The following PTH2R variants were observed in gnomAD, a reference collection of about 807,000 sequenced individuals.
PTH2R encodes the protein parathyroid hormone 2 receptor.
Under a neutral mutation model 60.3 loss-of-function variants are expected in PTH2R, and 59 were observed. That is an observed-to-expected ratio of 0.98 (90% confidence interval 0.79 to 1.22). The LOEUF (loss-of-function observed/expected upper bound fraction) is 1.22, where lower values mean the gene tolerates loss of function less well. Among genes scored for constraint, PTH2R ranks in the 50% most tolerant of loss-of-function variants. The probability of loss-of-function intolerance (pLI) is 0.00; values close to 1 mark genes in which losing one functional copy is unlikely to be tolerated. For missense variants in PTH2R, 749 were observed against 682.6 expected, an observed-to-expected ratio of 1.10 and a Z score of -1.08; for synonymous variants, 256 against 243.8, an observed-to-expected ratio of 1.05 and a Z score of -0.47.
At chr2:208,424,025 G>C (rs1183621813) in intron 1 of PTH2R, among the ~76,000 whole-genome samples, 5 of 152,128 alleles carry the variant, frequency 3.3e-5, no homozygotes, top group Admixed American at 1.3e-4. Context: ...TATGAGTGCT[G>C]CTCCTCATGT....
intron 1 of PTH2R, among the ~76,000 whole-genome samples, chr2:208,409,727 C>G (rs1284291734): frequency 6.6e-6 from 1 of 152,100 alleles, no homozygotes; most frequent in Non-Finnish European, 1.5e-5. Context: ...TAAAGATATA[C>G]TTTTGTCTCA....
chr2:208,454,442 T>G lies in PTH2R; in HGVS notation c.914+3633T>G, dbSNP rs1217271234. 7.9e-5 allele frequency among the ~76,000 whole-genome samples: 12 copies of G among 152,312 alleles called. No homozygotes were observed. In the East Asian group the frequency reaches 1.5e-3, roughly 20 times the overall value. ...TTATAAGAAGAGATGCCAGAGAGGC[T>G]GGCTCTCCCTCTCTCTCTGTGCACA... On this transcript the variant is annotated intron_variant, in intron 8 of 12. Transcript: ENST00000272847.
chr2:208,442,068 G>C (rs1437413), intron 4 of PTH2R, among the ~76,000 whole-genome samples: 11,735 of 152,214 alleles, frequency 0.077, 499 homozygotes, highest in African/African-American at 0.082. Flanking sequence ...ATAGTCAAGA[G>C]GTATATGAAG....
At chr2:208,458,257 C>CA (rs58904597) in intron 8 of PTH2R, among the ~76,000 whole-genome samples, 7,011 of 152,108 alleles carry the variant, frequency 0.046, 326 homozygotes, top group African/African-American at 0.11. Context: ...CATCAGAACA[C>CA]AAAAACAACA....
chr2:208,384,879 C>T (rs1020728719), intron 1 of PTH2R, among the ~76,000 whole-genome samples: 3 of 152,062 alleles, frequency 2.0e-5, no homozygotes, highest in East Asian at 1.9e-4. Flanking sequence ...CTTTTTGCAG[C>T]GGTCCATTCT....
chr2:208,371,402 T>C (rs1298438914), intron 1 of PTH2R, among the ~76,000 whole-genome samples: 1 of 152,108 alleles, frequency 6.6e-6, no homozygotes, highest in African/African-American at 2.4e-5. Context: ...ATGAGTCTTA[T>C]CAGAACCTTT....
At chr2:208,486,126 G>T (rs1703268386) in intron 10 of PTH2R, among the ~76,000 whole-genome samples, 1 of 152,220 alleles carries the variant, frequency 6.6e-6, no homozygotes, top group Non-Finnish European at 1.5e-5. Flanking sequence ...AGCCTTGAGA[G>T]ACTGTGGGCC....
chr2:208,485,097 T>A (rs1190802469), intron 10 of PTH2R, among the ~76,000 whole-genome samples: 3 of 151,404 alleles, frequency 2.0e-5, no homozygotes, highest in Non-Finnish European at 4.4e-5. Context: ...CAGAAAAGAG[T>A]GAAGGATTAA....
intron 3 of PTH2R, 54 bp downstream of exon 3, chr2:208,437,701 T>G: frequency 1.9e-6 from 3 of 1,603,534 alleles, no homozygotes; most frequent in Non-Finnish European, 2.6e-6. Flanking sequence ...CTTGTCCATT[T>G]TCTTGATAAT....
intron 8 of PTH2R, among the ~76,000 whole-genome samples, chr2:208,452,403 A>G (rs1474159014): frequency 6.6e-6 from 1 of 152,246 alleles, no homozygotes; most frequent in Admixed American, 6.5e-5. Context: ...TTCACAAGTA[A>G]TGTCTAAAGA....
In PTH2R at chr2:208,369,366, C is replaced by CTTTT. The variant is rs34110985; in HGVS notation, c.-259+9130_-259+9131insTTTT. 8.1e-5 allele frequency among the ~76,000 whole-genome samples: 11 copies of CTTTT among 135,070 alleles called. 4 individuals are homozygous for CTTTT. Among genetic ancestry groups the CTTTT allele is most frequent in the African/African-American group, 1.4e-4 (5 of 34,828 alleles). The allele number at this position is 135,070 out of a possible 152,430, so 88.6% of individuals were successfully genotyped here. A position where few individuals can be genotyped will look rare whatever the true frequency, so the allele number is the denominator to read the frequency against. ...TTGTCTGTAAACAACACTGGTCTCT[C>CTTTT]TCTCTTTTTTTTTTTTTTTAGAAGG... On this transcript the variant is annotated intron_variant, in intron 1 of 12. Transcript: ENST00000617735.
intron 1 of PTH2R, among the ~76,000 whole-genome samples, chr2:208,366,750 T>C (rs1032166401): frequency 1.3e-5 from 2 of 152,226 alleles, no homozygotes; most frequent in Non-Finnish European, 2.9e-5. Context: ...AAGTTTAGCA[T>C]GAAGCTGCTT....
intron 1 of PTH2R, among the ~76,000 whole-genome samples, chr2:208,408,719 GGAAAGAGAGAGAGAGAGA>G (rs1489966268): frequency 6.3e-5 from 1 of 16,000 alleles, no homozygotes; most frequent in Non-Finnish European, 1.2e-4. Context: ...AGAGAAGAAA[GGAAAGAGAGAGAGAGAGA>G]GAAAGAGAGA....
chr2:208,408,089 TTAAAACTTAAAGGGGA>T (rs1559210880), intron 1 of PTH2R, among the ~76,000 whole-genome samples: 1 of 152,188 alleles, frequency 6.6e-6, no homozygotes, highest in South Asian at 2.1e-4. Context: ...ACCAGAGACA[TTAAAACTTAAAGGGGA>T]TTTCTAGGCT....
intron 4 of PTH2R, among the ~76,000 whole-genome samples, chr2:208,441,821 T>C (rs904277365): frequency 3.9e-5 from 6 of 152,374 alleles, no homozygotes; most frequent in Admixed American, 6.5e-5. Flanking sequence ...ATTAAATTTC[T>C]GGTTTTGATA....
chr2:208,359,712 C>T (rs117379291), upstream of PTH2R: 1 of 152,730 alleles, frequency 6.5e-6, no homozygotes, highest in Non-Finnish European at 1.5e-5. Context: ...GCCAGTGCCT[C>T]CGTGCTCCGA....
intron 1 of PTH2R, among the ~76,000 whole-genome samples, chr2:208,367,606 G>A (rs986363309): frequency 6.6e-6 from 1 of 151,826 alleles, no homozygotes; most frequent in Non-Finnish European, 1.5e-5. Context: ...CTGACCTCAG[G>A]TGATCTGCCT....
chr2:208,371,989 T>C (rs939461694), intron 1 of PTH2R, among the ~76,000 whole-genome samples: 5 of 152,040 alleles, frequency 3.3e-5, no homozygotes, highest in Non-Finnish European at 7.3e-5. Context: ...TGGCGTGATA[T>C]CGGCTCACTG....
intron 1 of PTH2R, among the ~76,000 whole-genome samples, chr2:208,394,087 G>A (rs2125884146): frequency 1.3e-5 from 2 of 152,318 alleles, no homozygotes; most frequent in African/African-American, 2.4e-5. Context: ...GTTGTCTTGA[G>A]GGGCAAAGAA....
Sources: allele counts gnomAD v4.1 joint callset (sites outside exome capture counted in the v4.1 genomes callset), GRCh38; gene constraint gnomAD v4.1.1; transcripts MANE v1.5; gene names NCBI Gene and HGNC (gene_info 2026-07-23, HGNC 2026-07-21).